The following NTM variants were observed in gnomAD, a reference collection of about 807,000 sequenced individuals.
NTM encodes the protein IgLON family member 2.
In NTM, 13 loss-of-function variants were observed where a neutral mutation model predicts 42.1. The observed-to-expected ratio is 0.31, with a 90% CI of 0.20 to 0.49. The LOEUF is 0.49. Ranked by LOEUF, NTM falls within the 20% of genes least tolerant of loss-of-function variation. The probability of loss-of-function intolerance (pLI) is 0.99; values close to 1 mark genes in which losing one functional copy is unlikely to be tolerated. For synonymous variants in NTM, 187 were observed against 179.2 expected, an observed-to-expected ratio of 1.04 and a Z score of -0.35; for missense variants, 373 against 452.8, an observed-to-expected ratio of 0.82 and a Z score of 1.60.
chr11:131,852,208 C>T (rs1222773704), intron 1 of NTM, among the ~76,000 whole-genome samples: 1 of 152,104 alleles, frequency 6.6e-6, no homozygotes, highest in Non-Finnish European at 1.5e-5. Flanking sequence ...AGCCTCCAGC[C>T]TTGGGAACTT....
rs570049905 is a variant in NTM, at chr11:132,027,299, T to C, written c.167+115651T>C. Among the ~76,000 whole-genome samples, 4 of 152,338 alleles carry C rather than the reference T, an allele frequency of 2.6e-5. 1 individual carries two copies. Among genetic ancestry groups the C allele is most frequent in the African/African-American group, 7.2e-5 (3 of 41,588 alleles). Reference sequence around the variant, plus strand: ...GTCTTATGCTGATCTGAATCTCTGATTGATAGAGGAATCCCTGATAAATAA... The same window carrying C: ...GTCTTATGCTGATCTGAATCTCTGACTGATAGAGGAATCCCTGATAAATAA... On this transcript the variant is annotated intron_variant, in intron 2 of 8. Transcript: ENST00000683400.
chr11:132,170,954 G>A (rs556955002), intron 3 of NTM, among the ~76,000 whole-genome samples: 1 of 152,210 alleles, frequency 6.6e-6, no homozygotes, highest in East Asian at 1.9e-4. Flanking sequence ...TAACTAAATA[G>A]AGCAAGTATC....
At chr11:131,690,015 C>T (rs577750149) in intron 1 of NTM, among the ~76,000 whole-genome samples, 2 of 152,298 alleles carry the variant, frequency 1.3e-5, no homozygotes, top group South Asian at 4.2e-4. Context: ...CTGGTGGTCT[C>T]ACAGGCAGAG....
At chr11:132,204,701 C>T (rs2081690312) in intron 3 of NTM, among the ~76,000 whole-genome samples, 2 of 152,060 alleles carry the variant, frequency 1.3e-5, no homozygotes, top group Non-Finnish European at 1.5e-5. Context: ...AGGCGGCATC[C>T]AGAGTGTGCA....
At chr11:131,719,949 G>A (rs771411648) in intron 1 of NTM, among the ~76,000 whole-genome samples, 8 of 152,196 alleles carry the variant, frequency 5.3e-5, no homozygotes, top group Non-Finnish European at 1.0e-4. Flanking sequence ...TCACACTGAT[G>A]TTTATGCTCA....
At chr11:131,528,849 A>G (rs1037575589) in intron 1 of NTM, among the ~76,000 whole-genome samples, 1 of 152,192 alleles carries the variant, frequency 6.6e-6, no homozygotes, top group Non-Finnish European at 1.5e-5. Context: ...CTCATAGCAC[A>G]CTTGATGTTT....
chr11:132,180,712 CAAACACTAT>C (rs1246412285), intron 3 of NTM, among the ~76,000 whole-genome samples: 1 of 152,092 alleles, frequency 6.6e-6, no homozygotes, highest in Non-Finnish European at 1.5e-5. Flanking sequence ...CCTGAGTTTC[CAAACACTAT>C]AAGTCTAATA....
At chr11:131,992,548 G>A (rs191139335) in intron 2 of NTM, among the ~76,000 whole-genome samples, 2 of 151,974 alleles carry the variant, frequency 1.3e-5, no homozygotes, top group Non-Finnish European at 2.9e-5. Context: ...TCGCATCAGG[G>A]ACCTCAATTC....
At chr11:131,697,489 G>C (rs975165214) in intron 1 of NTM, among the ~76,000 whole-genome samples, 1 of 152,152 alleles carries the variant, frequency 6.6e-6, no homozygotes, top group Non-Finnish European at 1.5e-5. Flanking sequence ...TCTTTCTGAA[G>C]CTCCTGTTAG....
intron 1 of NTM, among the ~76,000 whole-genome samples, chr11:131,689,963 C>T (rs2074443526): frequency 6.6e-6 from 1 of 152,198 alleles, no homozygotes; most frequent in Non-Finnish European, 1.5e-5. Flanking sequence ...TGGGATAACC[C>T]TATGCTGTTG....
chr11:132,277,510 C>G (rs969216918), intron 4 of NTM, among the ~76,000 whole-genome samples: 1 of 152,074 alleles, frequency 6.6e-6, no homozygotes, highest in African/African-American at 2.4e-5. Context: ...TCTTCTTTTC[C>G]CTTATATATC....
At chr11:132,076,902 T>A (rs1566097143) in intron 2 of NTM, among the ~76,000 whole-genome samples, 1 of 152,208 alleles carries the variant, frequency 6.6e-6, no homozygotes, top group Non-Finnish European at 1.5e-5. Context: ...CTTTATTGTG[T>A]CTCATGTTTT....
rs1411044141 is a variant in NTM, at chr11:131,592,420, A to C, written c.82+221532A>C. On this transcript the variant is annotated intron_variant, in intron 1 of 8. Coordinates refer to ENST00000683400, the MANE Select transcript of NTM (RefSeq NM_001352005.2). ...GCCTGGAAATCACACATGCTCAGTA[A>C]TGACTTGTTTAGTAAACAGGGCAGT... 2.0e-5 allele frequency among the ~76,000 whole-genome samples: 3 copies of C among 152,094 alleles called. No individual in the cohort carries two copies. In the East Asian group the frequency reaches 5.8e-4, roughly 30 times the overall value.
intron 1 of NTM, among the ~76,000 whole-genome samples, chr11:131,730,211 GC>G (rs1248470571): frequency 6.6e-6 from 1 of 152,114 alleles, no homozygotes; most frequent in Non-Finnish European, 1.5e-5. Flanking sequence ...CTTTTCATAT[GC>G]TTACCAGCCA....
At chr11:132,021,038 C>A (rs931929530) in intron 2 of NTM, among the ~76,000 whole-genome samples, 2 of 152,058 alleles carry the variant, frequency 1.3e-5, no homozygotes, top group African/African-American at 4.8e-5. Flanking sequence ...TATGCTGGCA[C>A]TCTGAGGCTT....
At chr11:131,864,958 A>C (rs2046990376) in intron 1 of NTM, among the ~76,000 whole-genome samples, 1 of 152,194 alleles carries the variant, frequency 6.6e-6, no homozygotes, top group African/African-American at 2.4e-5. Context: ...GGGAAAGAGG[A>C]AAGCTTGGCA....
At chr11:131,847,186 G>A (rs1389041377) in intron 1 of NTM, among the ~76,000 whole-genome samples, 3 of 151,946 alleles carry the variant, frequency 2.0e-5, no homozygotes, top group Non-Finnish European at 2.9e-5. Context: ...TAAATATTGA[G>A]GATATCATGG....
intron 1 of NTM, among the ~76,000 whole-genome samples, chr11:131,850,286 T>C (rs1019683827): frequency 1.3e-5 from 2 of 152,136 alleles, no homozygotes; most frequent in African/African-American, 4.8e-5. Context: ...TAGGTTAAAT[T>C]TGCATACTTG....
At chr11:131,660,214 G>A (rs575670132) in intron 1 of NTM, 1 of 288,558 alleles carries the variant, frequency 3.5e-6, no homozygotes, top group Non-Finnish European at 7.1e-6. Flanking sequence ...ATCATGTATT[G>A]AGGCAGGGGA....
Sources: allele counts gnomAD v4.1 joint callset (sites outside exome capture counted in the v4.1 genomes callset), GRCh38; gene constraint gnomAD v4.1.1; transcripts MANE v1.5; gene names NCBI Gene and HGNC (gene_info 2026-07-23, HGNC 2026-07-21).